Variants in HR observed in about 807,000 individuals in gnomAD.
HR encodes lysine-specific demethylase hairless.
HR carries 83 observed loss-of-function variants against 128.6 expected under a neutral mutation model. That is an observed-to-expected ratio of 0.65 (90% CI 0.54 to 0.77). The LOEUF (loss-of-function observed/expected upper bound fraction) is 0.77, where lower values mean the gene tolerates loss of function less well. HR is among the 30% of genes least tolerant of loss of function. The probability of loss-of-function intolerance (pLI) is 0.00; values close to 1 mark genes in which losing one functional copy is unlikely to be tolerated. For synonymous variants in HR, 681 were observed against 658.2 expected, an observed-to-expected ratio of 1.03 and a Z score of -0.53; for missense variants, 1,490 against 1,574.6, an observed-to-expected ratio of 0.95 and a Z score of 0.91.
rs1277321330 is a variant in HR at position 22,129,139 on chromosome 8, G to A, written c.32C>T (p.Thr11Ile). The A allele has an allele frequency of 6.4e-7, 1 of 1,551,444 alleles. No homozygotes were observed. MESTPSFLKG[T>I]PTWEKTAPEN... is the part of the protein sequence containing the mutation. ...TGGGGCCGTCTTCTCCCAGGTTGGG[G>A]TGCCCTTCAGGAAGCTGGGCGTACT... The change falls in exon 2 of 19, where the codon ACC (threonine) becomes ATC (isoleucine). Residue 11 changes from threonine to isoleucine, a missense_variant. Around this residue, in one of 3 missense-constraint regions of HR, gnomAD observed 1,060 missense variants for 1,060.9 expected, o/e 1.00. Coordinates refer to ENST00000381418, the MANE Select transcript of HR (RefSeq NM_005144.5).
At position 22,116,179 on chromosome 8, in the gene HR, C is replaced by A. The variant is rs1037386151; in HGVS notation, c.3507+121G>T. ...ACTAAACAAAAGGAATACTCTGCCCCTGCACAGGGTGGCTGCCTGCTTGGC... is the reference window on the plus strand; with the variant it reads ...ACTAAACAAAAGGAATACTCTGCCCATGCACAGGGTGGCTGCCTGCTTGGC... On this transcript the variant is annotated intron_variant, in intron 18 of 18. Coordinates refer to ENST00000381418, the MANE Select transcript of HR (RefSeq NM_005144.5). The surrounding 1 kb of genome is among the most constrained non-coding windows in gnomAD (Gnocchi z 4.2). The A allele has an allele frequency of 7.2e-7, 1 of 1,387,052 alleles. No homozygotes were observed. Among genetic ancestry groups the A allele is most frequent in the Admixed American group, 1.7e-5 (1 of 57,568 alleles). 85.9% of individuals were successfully genotyped at this position (1,387,052 alleles called of 1,614,324 possible).
chr8:22,123,940 C>A, intron 5 of HR, 127 bp from the exon 6 acceptor site: 1 of 1,120,696 alleles, frequency 8.9e-7, no homozygotes, highest in African/African-American at 1.5e-5. Flanking sequence ...AGGGCCCCCC[C>A]AGGGAAGGGA....
chr8:22,115,670 C>A lies in HR; in HGVS notation c.*30G>T, dbSNP rs369058841. 1.2e-4 allele frequency: 196 copies of A among 1,607,404 alleles called. No individual in the cohort carries two copies. Among genetic ancestry groups the A allele is most frequent in the Non-Finnish European group, 1.6e-4 (186 of 1,174,156 alleles). On this transcript the variant is annotated 3_prime_UTR_variant, in exon 19 of 19. Transcript: ENST00000381418. ...GGCTGAGCACCTGGTCTACCTGTCC[C>A]CACCCCGATCCCAGACACCTAGCAT...
chr8:22,116,398 T>G lies in HR; in HGVS notation c.3409A>C (p.Thr1137Pro). ...GTCTCAGGGGAGAGGAAGTGCTGAG[T>G]GACGCTGACTGTGCTCACCAGGCCC... ...VQGLVSTVSV[T>P]QHFLSPETSA... Residue 1137 changes from threonine to proline, a missense_variant, in exon 18 of 19, where the codon ACT becomes CCT. This residue lies in a region of HR where 423 missense variants were observed against 495.9 expected (regional missense o/e 0.85). Coordinates refer to ENST00000381418, the MANE Select transcript of HR (RefSeq NM_005144.5). This position sits in a 1 kb window ranked among gnomAD's most constrained non-coding sequence, Gnocchi z 4.2. The G allele has an allele frequency of 6.2e-7, 1 of 1,613,610 alleles. No homozygotes were observed. Among genetic ancestry groups the G allele is most frequent in the Non-Finnish European group, 8.5e-7 (1 of 1,179,904 alleles).
intron 9 of HR, 114 bp downstream of exon 9, chr8:22,121,499 G>T: frequency 8.9e-7 from 1 of 1,120,666 alleles, no homozygotes; most frequent in Non-Finnish European, 1.4e-6. Flanking sequence ...AGATTATTGG[G>T]GGTGGGGGGG....
At position 22,127,369 on chromosome 8, in the gene HR, G is replaced by T; in HGVS notation, c.1073C>A (p.Pro358His). 6.2e-7 allele frequency: 1 copy of T among 1,613,344 alleles called. No individual in the cohort carries two copies. Among genetic ancestry groups the T allele is most frequent in the East Asian group, 2.2e-5 (1 of 44,844 alleles). Residue 358 changes from proline to histidine, a missense_variant, in exon 3 of 19, where the codon CCC (proline) becomes CAC (histidine). By Grantham distance (77) the Pro-to-His change is moderately conservative (BLOSUM62 -2). Coordinates refer to ENST00000381418, the MANE Select transcript of HR (RefSeq NM_005144.5). ...AGAGGCCTTGTTCACTTCCTCGCTG[G>T]GTTCGCTGGCTCCACTGGCACCCCC... is the stretch of plus-strand genomic sequence containing the variant. ...LEGGASGASE[P>H]SEEVNKASGP...
chr8:22,127,764 A>G lies in HR; in HGVS notation c.678T>C (p.Pro226=). The change falls in exon 3 of 19, where the codon CCT becomes CCC. Residue 226 remains proline (P), a synonymous_variant. Coordinates refer to ENST00000381418, the MANE Select transcript of HR (RefSeq NM_005144.5). ...CACCAGAGTTTAAGCCAAACAACCC[A>G]GGTTCCGCAGCTGCCAAGGGCTCCT... is the stretch of plus-strand genomic sequence containing the variant. ...LAKEPLAAAE[P]GLFGLNSGGH... The G allele has an allele frequency of 6.2e-7, 1 of 1,601,100 alleles. No individual in the cohort carries two copies. The highest frequency in any genetic ancestry group is 1.1e-5 in the South Asian group (1 of 91,084).
intron 1 of HR, 93 bp from the exon 2 acceptor site, chr8:22,129,303 G>A (rs1224277620): frequency 3.6e-6 from 4 of 1,123,698 alleles, no homozygotes; most frequent in African/African-American, 3.1e-5. Context: ...TGGCAACACT[G>A]AGGCAGCTCA....
chr8:22,116,100 A>C lies in HR; in HGVS notation c.3507+200T>G, dbSNP rs773595444. The stretch of plus-strand genomic sequence containing the variant: ...CAGGGAGCTGAGATAGTGCCACTGC[A>C]CTCCAGCCTAGGTGACAGAACAAGA... On this transcript the variant is annotated intron_variant, in intron 18 of 18. Transcript: ENST00000381418. The surrounding 1 kb of genome is among the most constrained non-coding windows in gnomAD (Gnocchi z 4.2). Among the ~76,000 whole-genome samples the C allele has an allele frequency of 1.3e-5, 2 of 152,210 alleles. No homozygotes were observed. Among genetic ancestry groups the C allele is most frequent in the Non-Finnish European group, 1.5e-5 (1 of 68,042 alleles).
chr8:22,118,763 G>A lies in HR; in HGVS notation c.3213+187C>T, dbSNP rs965953953. ...CTGCCGCAGCCCCTGCCCCTTCTCT[G>A]AGCCCCACGGCAGAACTCCGGGTCC... is the stretch of plus-strand genomic sequence containing the variant. On this transcript the variant is annotated intron_variant, in intron 16 of 18. Coordinates refer to ENST00000381418, the MANE Select transcript of HR (RefSeq NM_005144.5). The A allele has an allele frequency of 2.3e-5, 14 of 608,734 alleles. No homozygotes were observed. In the East Asian group the frequency reaches 3.9e-4, roughly 17 times the overall value. The allele number at this position is 608,734 out of a possible 1,614,324, so 37.7% of individuals were successfully genotyped here. A position where few individuals can be genotyped will look rare whatever the true frequency, so the allele number is the denominator to read the frequency against.
intron 3 of HR, among the ~76,000 whole-genome samples, chr8:22,126,268 A>G (rs1826888426): frequency 6.6e-6 from 1 of 151,800 alleles, no homozygotes; most frequent in Admixed American, 6.5e-5. Context: ...GGTGCAGGGC[A>G]TTTGGGCAAG....
chr8:22,119,992 G>C, intron 13 of HR, 102 bp from the exon 14 acceptor site: 2 of 1,594,838 alleles, frequency 1.3e-6, no homozygotes, highest in Admixed American at 1.7e-5. Context: ...GCAAACATGA[G>C]AGTACCAGGG....
In HR at chr8:22,116,809, C is replaced by T. The variant is rs1221745442; in HGVS notation, c.3378+66G>A. On this transcript the variant is annotated intron_variant, in intron 17 of 18. Transcript: ENST00000381418. This position sits in a 1 kb window ranked among gnomAD's most constrained non-coding sequence, Gnocchi z 4.2. ...GTATTGAGGGGATGTTGGATGCCTG[C>T]GGCCTTGATTGGGTCGCTTCTGCCA... is the stretch of plus-strand genomic sequence containing the variant. 2.0e-5 allele frequency: 30 copies of T among 1,527,236 alleles called. No individual in the cohort carries two copies. Among genetic ancestry groups the T allele is most frequent in the African/African-American group, 6.9e-5 (5 of 72,954 alleles). 94.6% of individuals were successfully genotyped at this position (1,527,236 alleles called of 1,614,324 possible).
At chr8:22,117,391 C>G in intron 16 of HR, 1 of 290,940 alleles carries the variant, frequency 3.4e-6, no homozygotes, top group Admixed American at 4.7e-5. Flanking sequence ...GGGAGACGTC[C>G]TGCATAATCC....
At chr8:22,118,743 G>A (rs1399882014) in intron 16 of HR, 18 of 594,902 alleles carry the variant, frequency 3.0e-5, no homozygotes, top group East Asian at 1.1e-4. Flanking sequence ...CTCTCCTGCC[G>A]CAGCCCCTGC....
intron 8 of HR, 73 bp from the exon 9 acceptor site, chr8:22,121,767 C>T: frequency 7.0e-7 from 1 of 1,430,866 alleles, no homozygotes; most frequent in Non-Finnish European, 9.8e-7. Flanking sequence ...CAACAGAACC[C>T]ACAAGAATGA....
rs368840485 is a variant in HR at position 22,121,027 on chromosome 8, C to T, written c.2367+38G>A. 4.8e-5 allele frequency: 77 copies of T among 1,612,828 alleles called. No individual in the cohort carries two copies. The African/African-American group carries it at 6.8e-4, about 14-fold the overall frequency. On this transcript the variant is annotated intron_variant, in intron 10 of 18. Transcript: ENST00000381418. ...AGGGAGGGCAGGCCCAGCCTCTGGT[C>T]CCCTGGCTCCTAGCCCTCCCTCCGT...
rs151306827 is a variant in HR at position 22,121,077 on chromosome 8, C to T, written c.2355G>A (p.Pro785=). 3.0e-4 allele frequency: 480 copies of T among 1,613,686 alleles called. 1 individual carries two copies. The African/African-American group carries it at 3.1e-3, about 10-fold the overall frequency. ...RIHMAFAPVT[P]ALPSDDRITN... is the part of the protein sequence containing the mutation. The stretch of plus-strand genomic sequence containing the variant: ...TGCCCTCACTCACACTGGGCAGGGC[C>T]GGAGTGACGGGGGCGAAGGCCATGT... Residue 785 remains proline (P), a synonymous_variant, in exon 10 of 19, where the codon CCG becomes CCA. Transcript: ENST00000381418.
At position 22,127,545 on chromosome 8, in the gene HR, A is replaced by G. The variant is rs1024980788; in HGVS notation, c.897T>C (p.Asp299=). The G allele has an allele frequency of 3.7e-6, 6 of 1,613,120 alleles. No homozygotes were observed. The East Asian group carries it at 1.1e-4, about 30-fold the overall frequency. Residue 299 remains aspartate (D), a synonymous_variant, in exon 3 of 19, where the codon GAT becomes GAC. Transcript: ENST00000381418. ...TLGNVWAGPG[D]GNLGYQLGPP... ...GCCCCAGCTGGTACCCAAGGTTCCC[A>G]TCGCCTGGCCCAGCCCAGACGTTGC...
Sources: allele counts gnomAD v4.1 joint callset (sites outside exome capture counted in the v4.1 genomes callset), GRCh38; gene constraint gnomAD v4.1.1; regional missense constraint gnomAD v4.1.1; non-coding constraint Gnocchi (gnomAD v3.1); transcripts MANE v1.5; gene names NCBI Gene and HGNC (gene_info 2026-07-23, HGNC 2026-07-21).